Variants in SVEP1 observed in about 807,000 individuals in gnomAD.
SVEP1 encodes the protein sushi, von Willebrand factor type A, EGF and pentraxin domain-containing protein 1.
A neutral mutation model predicts 367.3 loss-of-function variants in SVEP1; 164 were observed. That is an observed-to-expected ratio of 0.45 (90% CI 0.39 to 0.51). The LOEUF (loss-of-function observed/expected upper bound fraction) is 0.51. SVEP1 is among the 20% of genes least tolerant of loss of function. The pLI is 0.00. For missense variants in SVEP1, 4,117 were observed against 4,425.3 expected (o/e 0.93, Z 1.98); for synonymous variants, 1,666 against 1,611.6 (o/e 1.03, Z -0.81).
In SVEP1 at chr9:110,433,225, C is replaced by T. The variant is rs189911790; in HGVS notation, c.5060-590G>A. ...TAAATCTCCTTTCTTTATACATTACCTAGTCTCAGGTATTTCTTTATAGCA... is the reference window on the plus strand; with the variant it reads ...TAAATCTCCTTTCTTTATACATTACTTAGTCTCAGGTATTTCTTTATAGCA... On this transcript the variant is annotated intron_variant, in intron 30 of 47. Transcript: ENST00000374469. Among the ~76,000 whole-genome samples, 774 of 152,170 alleles carry T rather than the reference C, an allele frequency of 5.1e-3. 4 individuals are homozygous for T. Among genetic ancestry groups the T allele is most frequent in the African/African-American group, 0.017 (725 of 41,514 alleles).
intron 20 of SVEP1, 141 bp from the exon 21 acceptor site, chr9:110,457,493 T>C (rs774334409): frequency 4.1e-5 from 27 of 660,628 alleles, no homozygotes; most frequent in Non-Finnish European, 5.9e-5. Context: ...GGTGGCTTGC[T>C]GCCTGAATAA....
intron 26 of SVEP1, among the ~76,000 whole-genome samples, chr9:110,445,365 TG>T (rs1330748201): frequency 6.6e-6 from 1 of 152,208 alleles, no homozygotes; most frequent in Non-Finnish European, 1.5e-5. Context: ...GTTTGTATAC[TG>T]ATTTGTATGC....
rs1371779846 is a variant in SVEP1 at position 110,411,425 on chromosome 9, A to G, written c.6286T>C (p.Ser2096Pro). The G allele has an allele frequency of 2.5e-6, 4 of 1,613,934 alleles. No homozygotes were observed. In the South Asian group the frequency reaches 4.4e-5, roughly 18 times the overall value. The change falls in exon 37 of 48, where the codon TCT becomes CCT. Residue 2096 changes from serine (S) to proline (P), a missense_variant. By Grantham distance (74) the Ser-to-Pro change is moderately conservative. Transcript: ENST00000374469. ...PPSVSYSILE[S>P]VSKAKFAAGS... Reference sequence around the variant, plus strand: ...GCTGCAAATTTTGCTTTGCTCACAGATTCCAAGATGCTATAGGAAACCGAT... The same window carrying G: ...GCTGCAAATTTTGCTTTGCTCACAGGTTCCAAGATGCTATAGGAAACCGAT...
chr9:110,574,567 T>C (rs1564180461), intron 1 of SVEP1, among the ~76,000 whole-genome samples: 1 of 152,184 alleles, frequency 6.6e-6, no homozygotes, highest in Non-Finnish European at 1.5e-5. Context: ...GCCTGATCCC[T>C]ATGCAAAAAT....
chr9:110,547,539 C>A (rs79707450), intron 2 of SVEP1, among the ~76,000 whole-genome samples: 5,191 of 152,174 alleles, frequency 0.034, 114 homozygotes, highest in Middle Eastern at 0.082. Context: ...CACACCACTG[C>A]ACTATATAGC....
intron 3 of SVEP1, among the ~76,000 whole-genome samples, chr9:110,528,156 G>GTGTGTGTACATATATA: frequency 2.9e-5 from 1 of 33,940 alleles, no homozygotes; most frequent in African/African-American, 1.1e-4. Context: ...GTGTGTGTGT[G>GTGTGTGTACATATATA]TATATATATA....
intron 2 of SVEP1, among the ~76,000 whole-genome samples, chr9:110,549,132 T>A (rs891761537): frequency 2.0e-5 from 3 of 152,200 alleles, no homozygotes; most frequent in African/African-American, 7.2e-5. Flanking sequence ...GAGGCTAGAT[T>A]TCCTGTGATT....
intron 18 of SVEP1, among the ~76,000 whole-genome samples, chr9:110,464,587 G>A (rs937963828): frequency 6.6e-6 from 1 of 152,082 alleles, no homozygotes; most frequent in Non-Finnish European, 1.5e-5. Flanking sequence ...AAGCATGGCT[G>A]GGTGCAGTGA....
intron 39 of SVEP1, among the ~76,000 whole-genome samples, chr9:110,402,708 T>C (rs1343312616): frequency 6.6e-6 from 1 of 152,140 alleles, no homozygotes; most frequent in African/African-American, 2.4e-5. Flanking sequence ...TTCCCTTAAT[T>C]ATGGCAGAAC....
intron 36 of SVEP1, among the ~76,000 whole-genome samples, chr9:110,427,297 T>C (rs139372716): frequency 0.011 from 1,059 of 98,374 alleles, 11 homozygotes; most frequent in African/African-American, 0.049. Flanking sequence ...AGCAAGACTC[T>C]GTCTCAAAAA....
intron 3 of SVEP1, among the ~76,000 whole-genome samples, chr9:110,538,977 T>C (rs1307197361): frequency 2.0e-5 from 3 of 152,134 alleles, no homozygotes; most frequent in African/African-American, 7.2e-5. Flanking sequence ...AAAAGCATTT[T>C]AAGAATTTCT....
At chr9:110,491,793 C>A (rs1371996692) in intron 8 of SVEP1, among the ~76,000 whole-genome samples, 2 of 151,756 alleles carry the variant, frequency 1.3e-5, no homozygotes. Context: ...ACTTACGAAT[C>A]ATCAGTGTTC....
chr9:110,457,554 G>A (rs1239129367), intron 20 of SVEP1, among the ~76,000 whole-genome samples: 1 of 152,166 alleles, frequency 6.6e-6, no homozygotes, highest in Admixed American at 6.5e-5. Context: ...ATTCTTGGGT[G>A]ATGTTCTGGT....
In SVEP1 at chr9:110,375,475, A is replaced by AAAAAC; in HGVS notation, c.10505-13_10505-12insGTTTT. ...AAGAATGCAGATTGCTAAAAAAAAA[A>AAAAAC]AAAAAAAAAAAAAAAGGAGGCAGGG... is the stretch of plus-strand genomic sequence containing the variant. On this transcript the variant is annotated splice_polypyrimidine_tract_variant and intron_variant, in intron 45 of 47. Transcript: ENST00000374469. The AAAAAC allele has an allele frequency of 6.6e-7, 1 of 1,512,028 alleles. No individual in the cohort carries two copies. The highest frequency in any genetic ancestry group is 1.3e-5 in the South Asian group (1 of 78,750). The allele number at this position is 1,512,028 out of a possible 1,614,324, so 93.7% of individuals were successfully genotyped here.
chr9:110,459,222 T>C (rs1315221552), intron 18 of SVEP1, 109 bp from the exon 19 acceptor site: 5 of 1,024,080 alleles, frequency 4.9e-6, no homozygotes, highest in Non-Finnish European at 2.8e-6. Flanking sequence ...ATCTATATAA[T>C]CTCTTCCATA....
intron 3 of SVEP1, among the ~76,000 whole-genome samples, chr9:110,514,770 A>C (rs923327577): frequency 4.6e-5 from 7 of 152,192 alleles, no homozygotes; most frequent in African/African-American, 1.7e-4. Context: ...TAGATAAAAA[A>C]AACTTTGATA....
intron 40 of SVEP1, among the ~76,000 whole-genome samples, chr9:110,394,343 C>T (rs1437300559): frequency 2.6e-5 from 4 of 152,150 alleles, no homozygotes; most frequent in Non-Finnish European, 4.4e-5. Flanking sequence ...ACACCAAAAA[C>T]CCATCTGTAC....
At chr9:110,414,583 C>T (rs566843619) in intron 36 of SVEP1, among the ~76,000 whole-genome samples, 1 of 151,982 alleles carries the variant, frequency 6.6e-6, no homozygotes, top group Non-Finnish European at 1.5e-5. Context: ...CTGGCTGGAA[C>T]AAATTTGCAT....
chr9:110,502,860 T>G (rs1829557206), intron 6 of SVEP1, among the ~76,000 whole-genome samples, 178 bp downstream of exon 6: 1 of 150,688 alleles, frequency 6.6e-6, no homozygotes, highest in South Asian at 2.1e-4. Flanking sequence ...CCTTTACTAG[T>G]GGAGAGGAGT....
Sources: gnomAD v4.1 joint callset for allele counts (sites outside exome capture counted in the v4.1 genomes callset) on GRCh38, gnomAD v4.1.1 for gene constraint, MANE v1.5 for transcripts, NCBI Gene and HGNC (gene_info 2026-07-23, HGNC 2026-07-21) for gene names.